The following PACRG variants were observed in gnomAD, a reference collection of about 807,000 sequenced individuals.
The protein encoded by PACRG is parkin coregulated gene protein.
In PACRG, 29 loss-of-function variants were observed where a neutral mutation model predicts 29.7. The observed-to-expected ratio is 0.98, with a 90% CI of 0.73 to 1.33. PACRG has a LOEUF of 1.33. PACRG is among the 40% of genes most tolerant of loss of function. PACRG has a pLI of 0.00. For missense variants in PACRG, 279 were observed against 316.2 expected, an observed-to-expected ratio of 0.88 and a Z score of 0.89; for synonymous variants, 116 against 118.7, an observed-to-expected ratio of 0.98 and a Z score of 0.15.
At chr6:162,789,226 T>C (rs558670534) in intron 1 of PACRG, among the ~76,000 whole-genome samples, 7 of 152,324 alleles carry the variant, frequency 4.6e-5, no homozygotes, top group African/African-American at 1.7e-4. Context: ...AGGAGGCAAC[T>C]AACTGACTCT....
At chr6:162,778,070 G>A (rs1177433946) in intron 1 of PACRG, among the ~76,000 whole-genome samples, 1 of 152,182 alleles carries the variant, frequency 6.6e-6, no homozygotes, top group Non-Finnish European at 1.5e-5. Context: ...TGCAACAACT[G>A]CAGGTGAATA....
At chr6:162,793,656 A>G (rs1449746072) in intron 1 of PACRG, among the ~76,000 whole-genome samples, 2 of 152,226 alleles carry the variant, frequency 1.3e-5, no homozygotes, top group Non-Finnish European at 2.9e-5. Flanking sequence ...TATTAATTGA[A>G]CCATCATTTG....
chr6:162,763,004 G>T (rs1782496557), intron 1 of PACRG, among the ~76,000 whole-genome samples: 2 of 152,160 alleles, frequency 1.3e-5, no homozygotes, highest in South Asian at 4.1e-4. Context: ...ATGCACGTGG[G>T]TTATGTTTGC....
rs149107323 is a variant in PACRG at position 163,222,288 on chromosome 6, C to T, written c.614-92539C>T. On this transcript the variant is annotated intron_variant, in intron 4 of 4. Coordinates refer to ENST00000366888, the MANE Select transcript of PACRG (RefSeq NM_001080379.2). ...CCATCGCAACCAACCGTGTTCCTGG[C>T]GATGCTGTGAGGGTGCATGAGATGG... 9.1e-4 allele frequency among the ~76,000 whole-genome samples: 138 copies of T among 152,262 alleles called. 1 individual carries two copies. Among genetic ancestry groups the T allele is most frequent in the African/African-American group, 3.2e-3 (131 of 41,554 alleles).
chr6:162,869,898 C>T (rs188748862), intron 2 of PACRG, among the ~76,000 whole-genome samples: 1 of 152,196 alleles, frequency 6.6e-6, no homozygotes. Context: ...GTACATGGAG[C>T]ATTTTGTGCG....
chr6:163,032,192 T>A (rs1807731260), intron 2 of PACRG, among the ~76,000 whole-genome samples: 1 of 152,218 alleles, frequency 6.6e-6, no homozygotes, highest in African/African-American at 2.4e-5. Context: ...TCAAAAGTTT[T>A]CTTGACTCTG....
intron 1 of PACRG, among the ~76,000 whole-genome samples, chr6:162,744,478 C>G (rs1431745115): frequency 6.6e-6 from 1 of 151,986 alleles, no homozygotes; most frequent in Admixed American, 6.6e-5. Flanking sequence ...AACTGTAATC[C>G]CAGCTTCTTG....
intron 4 of PACRG, among the ~76,000 whole-genome samples, chr6:163,269,357 A>C (rs774583895): frequency 1.3e-5 from 2 of 152,192 alleles, no homozygotes; most frequent in Non-Finnish European, 2.9e-5. Flanking sequence ...TGGGGACTTG[A>C]AGCTTGACTG....
chr6:163,290,211 C>G (rs1784540968), intron 4 of PACRG, among the ~76,000 whole-genome samples: 1 of 151,988 alleles, frequency 6.6e-6, no homozygotes, highest in Admixed American at 6.6e-5. Flanking sequence ...CGGCCAATCC[C>G]CACCCTGTGC....
chr6:163,208,371 A>T (rs1360454703), intron 4 of PACRG, among the ~76,000 whole-genome samples: 1 of 152,034 alleles, frequency 6.6e-6, no homozygotes, highest in Non-Finnish European at 1.5e-5. Context: ...ACAAATTAGA[A>T]AAAGGATAAT....
chr6:162,930,726 C>A (rs1797790726), intron 2 of PACRG, among the ~76,000 whole-genome samples: 1 of 150,770 alleles, frequency 6.6e-6, no homozygotes, highest in Non-Finnish European at 1.5e-5. Flanking sequence ...AGCTGTGAGT[C>A]TTTCATATGT....
chr6:162,954,619 T>C (rs1799887172), intron 2 of PACRG, among the ~76,000 whole-genome samples: 1 of 152,210 alleles, frequency 6.6e-6, no homozygotes. Context: ...GATTTTTTTC[T>C]CCACCTTATT....
At chr6:163,230,195 T>C (rs901774943) in intron 4 of PACRG, among the ~76,000 whole-genome samples, 2 of 152,224 alleles carry the variant, frequency 1.3e-5, no homozygotes, top group African/African-American at 4.8e-5. Context: ...GAATCTTCTT[T>C]ACTACACAGC....
intron 2 of PACRG, among the ~76,000 whole-genome samples, chr6:162,959,467 T>C (rs1410045765): frequency 6.6e-6 from 1 of 151,790 alleles, no homozygotes; most frequent in Non-Finnish European, 1.5e-5. Context: ...AACAAGGAGG[T>C]CAGTGTCCCC....
chr6:163,290,323 C>CACACACACACAG lies in PACRG; in HGVS notation c.614-24503_614-24502insCACACACACAGA, dbSNP rs796997363. On this transcript the variant is annotated intron_variant, in intron 4 of 4. Coordinates refer to ENST00000366888, the MANE Select transcript of PACRG (RefSeq NM_001080379.2). The stretch of plus-strand genomic sequence containing the variant: ...ACACACACACACACACACACACACA[C>CACACACACACAG]AGCAATCACTGAGTGACCATCTTAA... 1.7e-4 allele frequency among the ~76,000 whole-genome samples: 26 copies of CACACACACACAG among 148,902 alleles called. No individual in the cohort carries two copies. In the East Asian group the frequency reaches 3.8e-3, roughly 22 times the overall value.
intron 2 of PACRG, among the ~76,000 whole-genome samples, chr6:163,048,204 C>A (rs1283315532): frequency 6.6e-6 from 1 of 152,150 alleles, no homozygotes; most frequent in African/African-American, 2.4e-5. Context: ...TTAGCTAGAA[C>A]CTCCAGCGTA....
chr6:163,066,183 T>A (rs1472630897), intron 3 of PACRG, among the ~76,000 whole-genome samples: 1 of 152,210 alleles, frequency 6.6e-6, no homozygotes, highest in Non-Finnish European at 1.5e-5. Context: ...TTCAAACGTC[T>A]GGACAGGGGA....
intron 2 of PACRG, among the ~76,000 whole-genome samples, chr6:162,980,167 C>CACAT (rs1156733364): frequency 8.2e-6 from 1 of 121,758 alleles, no homozygotes. Context: ...GTGAAACACA[C>CACAT]ACATACACAC....
intron 2 of PACRG, among the ~76,000 whole-genome samples, chr6:162,981,226 T>A (rs1802393117): frequency 6.6e-6 from 1 of 151,582 alleles, no homozygotes; most frequent in Non-Finnish European, 1.5e-5. Flanking sequence ...TCATTCCTTT[T>A]GATGGCTGAG....
Sources: allele counts gnomAD v4.1 joint callset (sites outside exome capture counted in the v4.1 genomes callset), GRCh38; gene constraint gnomAD v4.1.1; transcripts MANE v1.5; gene names NCBI Gene and HGNC (gene_info 2026-07-23, HGNC 2026-07-21).